ELMO1: variants seen among roughly 807,000 people sequenced by gnomAD.
ELMO1 encodes the protein engulfment and cell motility 1.
Under a neutral mutation model 98.9 loss-of-function variants are expected in ELMO1, and 26 were observed. The observed-to-expected ratio is 0.26, with a 90% CI of 0.19 to 0.36. ELMO1 has a LOEUF of 0.36. ELMO1 is among the 10% of genes least tolerant of loss of function. The probability of loss-of-function intolerance (pLI) is 1.00; values close to 1 mark genes in which losing one functional copy is unlikely to be tolerated. For missense variants in ELMO1, 627 were observed against 935.2 expected, an observed-to-expected ratio of 0.67 and a Z score of 4.30; for synonymous variants, 346 against 346.0, an observed-to-expected ratio of 1.00 and a Z score of 0.00.
intron 4 of ELMO1, among the ~76,000 whole-genome samples, chr7:37,311,803 G>T (rs1254471261): frequency 6.6e-6 from 1 of 152,120 alleles, no homozygotes; most frequent in Non-Finnish European, 1.5e-5. Flanking sequence ...CTTCATAAAA[G>T]AATAATCTCT....
intron 5 of ELMO1, among the ~76,000 whole-genome samples, chr7:37,261,671 C>T (rs570403941): frequency 2.0e-5 from 3 of 152,132 alleles, no homozygotes; most frequent in African/African-American, 4.8e-5. Context: ...GGCACAATCT[C>T]GACTCACTGC....
intron 16 of ELMO1, among the ~76,000 whole-genome samples, chr7:36,975,795 C>T (rs1360142308): frequency 6.9e-6 from 1 of 145,914 alleles, no homozygotes; most frequent in Non-Finnish European, 1.5e-5. Flanking sequence ...TGCAGTGAGC[C>T]GAGATCGTAC....
chr7:36,940,794 TG>T, intron 16 of ELMO1, among the ~76,000 whole-genome samples: 1 of 152,350 alleles, frequency 6.6e-6, no homozygotes, highest in Middle Eastern at 3.4e-3. Context: ...TGCTAGGCAC[TG>T]GGGGACTCTA....
intron 8 of ELMO1, among the ~76,000 whole-genome samples, chr7:37,229,268 C>T (rs962996354): frequency 4.6e-5 from 7 of 152,140 alleles, no homozygotes; most frequent in African/African-American, 1.7e-4. Flanking sequence ...GAAAAACCAA[C>T]TCATAACACC....
chr7:36,877,908 CA>C, intron 19 of ELMO1, 101 bp downstream of exon 19: 2 of 898,654 alleles, frequency 2.2e-6, no homozygotes, highest in Non-Finnish European at 3.5e-6. Context: ...GAGATGTGTT[CA>C]AAGGGCTTAC....
chr7:37,298,224 G>C (rs1457298028), intron 4 of ELMO1, among the ~76,000 whole-genome samples: 2 of 151,112 alleles, frequency 1.3e-5, no homozygotes, highest in South Asian at 2.1e-4. Flanking sequence ...TACAAGAGAG[G>C]GGGGACCTGA....
chr7:37,413,273 C>A (rs367970440), intron 1 of ELMO1, among the ~76,000 whole-genome samples: 9 of 152,102 alleles, frequency 5.9e-5, no homozygotes, highest in Admixed American at 4.6e-4. Context: ...CTTTCCTTGC[C>A]TCCTCCAAGC....
chr7:36,975,015 CG>C (rs1431570150), intron 16 of ELMO1, among the ~76,000 whole-genome samples: 3 of 152,176 alleles, frequency 2.0e-5, no homozygotes. Flanking sequence ...ACTCCAGACG[CG>C]CCACCTTAAG....
At chr7:36,868,893 T>C (rs895486243) in intron 20 of ELMO1, among the ~76,000 whole-genome samples, 2 of 152,154 alleles carry the variant, frequency 1.3e-5, no homozygotes, top group Non-Finnish European at 2.9e-5. Context: ...AAGTGTTACG[T>C]AACTGTGGGG....
chr7:37,404,874 T>G (rs1010984074), intron 1 of ELMO1, among the ~76,000 whole-genome samples: 82 of 152,230 alleles, frequency 5.4e-4, no homozygotes, highest in Non-Finnish European at 2.5e-4. Flanking sequence ...TAAAAAACAT[T>G]CAGCTATTGC....
intron 13 of ELMO1, among the ~76,000 whole-genome samples, chr7:37,156,323 G>A (rs1788760998): frequency 1.3e-5 from 2 of 152,104 alleles, no homozygotes; most frequent in African/African-American, 4.8e-5. Flanking sequence ...TAAGGTCAGA[G>A]CAGAACTGAA....
At chr7:37,085,484 A>G (rs1286690310) in intron 15 of ELMO1, among the ~76,000 whole-genome samples, 2 of 152,068 alleles carry the variant, frequency 1.3e-5, no homozygotes, top group African/African-American at 2.4e-5. Flanking sequence ...TTATTTTACT[A>G]TCTATTAGAA....
chr7:37,231,845 CTG>C (rs1178137269), intron 8 of ELMO1, among the ~76,000 whole-genome samples: 3 of 152,084 alleles, frequency 2.0e-5, no homozygotes, highest in African/African-American at 7.2e-5. Context: ...TAGGAACAGT[CTG>C]TACTAATTTT....
intron 13 of ELMO1, among the ~76,000 whole-genome samples, chr7:37,161,626 C>G (rs1789205744): frequency 1.3e-5 from 2 of 151,804 alleles, no homozygotes; most frequent in Non-Finnish European, 2.9e-5. Flanking sequence ...ATACTTTCAG[C>G]AACATCTTAC....
chr7:36,877,159 T>G (rs1036419385), intron 19 of ELMO1, among the ~76,000 whole-genome samples: 1 of 152,212 alleles, frequency 6.6e-6, no homozygotes, highest in Non-Finnish European at 1.5e-5. Flanking sequence ...GTAAGGACAC[T>G]GTCTGGGACA....
At chr7:37,372,991 C>G (rs1465399922) in intron 1 of ELMO1, among the ~76,000 whole-genome samples, 1 of 152,216 alleles carries the variant, frequency 6.6e-6, no homozygotes, top group African/African-American at 2.4e-5. Context: ...AAGAGCCAGA[C>G]TTCCACAGCT....
chr7:37,138,717 G>A (rs1399392516), intron 13 of ELMO1, among the ~76,000 whole-genome samples: 2 of 152,022 alleles, frequency 1.3e-5, no homozygotes, highest in South Asian at 2.1e-4. Context: ...TCCCTTAATC[G>A]TTCTATGAAG....
At chr7:37,172,639 G>C (rs558927142) in intron 13 of ELMO1, among the ~76,000 whole-genome samples, 4 of 152,340 alleles carry the variant, frequency 2.6e-5, no homozygotes, top group African/African-American at 9.6e-5. Flanking sequence ...GGATATTAGA[G>C]TCTATAGATA....
At chr7:37,358,089 C>A (rs1395726616) in intron 1 of ELMO1, among the ~76,000 whole-genome samples, 2 of 151,714 alleles carry the variant, frequency 1.3e-5, no homozygotes, top group Non-Finnish European at 2.9e-5. Flanking sequence ...ATTTTCCCCT[C>A]AAGTTAGCAT....
Sources: allele counts gnomAD v4.1 joint callset (sites outside exome capture counted in the v4.1 genomes callset), GRCh38; gene constraint gnomAD v4.1.1; transcripts MANE v1.5; gene names NCBI Gene and HGNC (gene_info 2026-07-23, HGNC 2026-07-21).